The following FBXO41 variants were observed in gnomAD, a reference collection of about 807,000 sequenced individuals.
FBXO41 encodes F-box only protein 41.
Under a neutral mutation model 81.6 loss-of-function variants are expected in FBXO41, and 33 were observed. That is an observed-to-expected ratio of 0.40 (90% CI 0.31 to 0.54). The LOEUF is 0.54. FBXO41 is among the 20% of genes least tolerant of loss of function. The pLI is 0.39. For synonymous variants in FBXO41, 576 were observed against 552.7 expected (o/e 1.04, Z -0.59); for missense variants, 1,107 against 1,236.0 (o/e 0.90, Z 1.56).
At chr2:73,281,218 A>C (rs1297400022) in intron 1 of FBXO41, among the ~76,000 whole-genome samples, 1 of 152,230 alleles carries the variant, frequency 6.6e-6, no homozygotes, top group Admixed American at 6.5e-5. Context: ...CTGTAGTTTA[A>C]CAATCAAAAC....
chr2:73,283,364 G>A (rs528347864), intron 1 of FBXO41, among the ~76,000 whole-genome samples: 6 of 152,308 alleles, frequency 3.9e-5, no homozygotes, highest in Admixed American at 3.3e-4. Context: ...CCTTCTAGCA[G>A]CCCTGGCACT....
At chr2:73,276,613 GGAGAGAGGGAGA>G (rs1688697560) in intron 1 of FBXO41, among the ~76,000 whole-genome samples, 1 of 65,496 alleles carries the variant, frequency 1.5e-5, no homozygotes, top group African/African-American at 1.3e-4. Context: ...AGGGAGAGAG[GGAGAGAGGGAGA>G]GAATGCATTT....
Position 73,263,939 on chromosome 2 carries a change from G to C in FBXO41, c.1921C>G (p.Arg641Gly). The C allele has an allele frequency of 6.2e-7, 1 of 1,610,936 alleles. No individual in the cohort carries two copies. The highest frequency in any genetic ancestry group is 1.1e-5 in the South Asian group (1 of 90,600). ...CCACCCACCCATCGCAGGCCTCACC[G>C]GGTGCTCCGGGCATACTCCTCCTTG... Reference protein sequence around the residue: ...ESKEEYARSTRGCLEAGLESL... With the variant: ...ESKEEYARSTGGCLEAGLESL... Residue 641 changes from arginine (R) to glycine (G), a missense_variant and splice_region_variant, in exon 7 of 13, where the codon CGG becomes GGG. By Grantham distance (125) the Arg-to-Gly change is moderately radical. Coordinates refer to ENST00000520530, the MANE Select transcript of FBXO41 (RefSeq NM_001371389.2).
rs775013721 is a variant in FBXO41 at position 73,265,342 on chromosome 2, A to G, written c.1504T>C (p.Leu502=). 29 of 1,611,694 alleles carry G rather than the reference A, an allele frequency of 1.8e-5. No homozygotes were observed. In the East Asian group the frequency reaches 3.3e-4, roughly 19 times the overall value. The change falls in exon 5 of 13, where the codon TTG becomes CTG. Residue 502 remains leucine, a synonymous_variant. Coordinates refer to ENST00000520530, the MANE Select transcript of FBXO41 (RefSeq NM_001371389.2). ...RTTESEAEGP[L]DAPRPGPAMA... is the part of the protein sequence containing the mutation. ...GCAGGCCCGGGGCGGGGCGCATCCA[A>G]CGGGCCCTCAGCCTCTGACTCAGTG...
chr2:73,266,148 G>GC lies in FBXO41; in HGVS notation c.1132-183dup, dbSNP rs1318225297. Reference sequence around the variant, plus strand: ...ACAGCCCAGAGAGGCAGGCTTACCAGCCCCTCCCCACACCCACACAATACC... The same window carrying GC: ...ACAGCCCAGAGAGGCAGGCTTACCAGCCCCCTCCCCACACCCACACAATACC... On this transcript the variant is annotated intron_variant, in intron 3 of 12. Transcript: ENST00000520530. The surrounding 1 kb of genome is among the most constrained non-coding windows in gnomAD (Gnocchi z 5.3). Among the ~76,000 whole-genome samples, 1 of 152,172 alleles carries GC rather than the reference G, an allele frequency of 6.6e-6. No homozygotes were observed. The highest frequency in any genetic ancestry group is 1.5e-5 in the Non-Finnish European group (1 of 68,012).
chr2:73,269,160 C>CA lies in FBXO41; in HGVS notation c.470dup (p.Phe158ValfsTer38). The CA allele has an allele frequency of 6.6e-7, 1 of 1,524,222 alleles. No homozygotes were observed. Among genetic ancestry groups the CA allele is most frequent in the Non-Finnish European group, 8.8e-7 (1 of 1,141,274 alleles). The allele number at this position is 1,524,222 out of a possible 1,614,324, so 94.4% of individuals were successfully genotyped here. ...AGGACGCCACGGACTTGCGGGCGAA[C>CA]AGCTCCCCCAGCGGGATCTCGATCT... On this transcript the variant is annotated frameshift_variant, in exon 2 of 13. Coordinates refer to ENST00000520530, the MANE Select transcript of FBXO41 (RefSeq NM_001371389.2). LOFTEE classifies it high-confidence loss of function. This position sits in a 1 kb window ranked among gnomAD's most constrained non-coding sequence, Gnocchi z 7.0.
In FBXO41 at chr2:73,266,839, C is replaced by G. The variant is rs1688297673; in HGVS notation, c.906-157G>C. ...CCTGCAGAACAGGCCTAGCACACAG[C>G]CCCGCACGATGACACATACAGAAAT... On this transcript the variant is annotated intron_variant, in intron 2 of 12. Coordinates refer to ENST00000520530, the MANE Select transcript of FBXO41 (RefSeq NM_001371389.2). This position sits in a 1 kb window ranked among gnomAD's most constrained non-coding sequence, Gnocchi z 5.3. 5.5e-5 allele frequency: 66 copies of G among 1,193,300 alleles called. 1 individual carries two copies. The highest frequency in any genetic ancestry group is 7.0e-5 in the Non-Finnish European group (64 of 913,368). 73.9% of individuals were successfully genotyped at this position (1,193,300 alleles called of 1,614,324 possible).
intron 9 of FBXO41, among the ~76,000 whole-genome samples, chr2:73,261,993 C>T (rs754064300): frequency 5.3e-5 from 8 of 152,194 alleles, no homozygotes; most frequent in East Asian, 3.9e-4. Flanking sequence ...GAGGCCGAGG[C>T]GGGCAGATCA....
chr2:73,261,633 T>C (rs1688024185), intron 9 of FBXO41, among the ~76,000 whole-genome samples: 1 of 152,228 alleles, frequency 6.6e-6, no homozygotes. Flanking sequence ...AACAGTCTGA[T>C]CTTAATCCCT....
chr2:73,276,719 C>T (rs1404297514), intron 1 of FBXO41, among the ~76,000 whole-genome samples: 1 of 151,596 alleles, frequency 6.6e-6, no homozygotes, highest in African/African-American at 2.4e-5. Context: ...CAACTCTTGG[C>T]CAAAATTTTT....
chr2:73,274,224 A>G (rs1458366738), intron 1 of FBXO41, among the ~76,000 whole-genome samples: 1 of 152,246 alleles, frequency 6.6e-6, no homozygotes, highest in African/African-American at 2.4e-5. Flanking sequence ...GAAACTGGAA[A>G]GTGGCCTGGC....
chr2:73,258,409 G>T lies in FBXO41; in HGVS notation c.*573C>A. On this transcript the variant is annotated 3_prime_UTR_variant, in exon 13 of 13. Transcript: ENST00000520530. ...ACTGTACTGCTGCCCCCAGCTTTTG[G>T]CTGACCACGTGCCCAGGCCCCTAGG... 1 of 152,464 alleles carries T rather than the reference G, an allele frequency of 6.6e-6. No homozygotes were observed. The highest frequency in any genetic ancestry group is 1.5e-5 in the Non-Finnish European group (1 of 68,188). 9.4% of individuals were successfully genotyped at this position (152,464 alleles called of 1,614,324 possible).
rs577351688 is a variant in FBXO41 at position 73,259,108 on chromosome 2, C to T, written c.2566-64G>A. The T allele has an allele frequency of 5.0e-6, 8 of 1,609,974 alleles. No individual in the cohort carries two copies. In the African/African-American group the frequency reaches 9.3e-5, roughly 19 times the overall value. On this transcript the variant is annotated intron_variant, in intron 12 of 12. Transcript: ENST00000520530. This position sits in a 1 kb window ranked among gnomAD's most constrained non-coding sequence, Gnocchi z 4.2. ...AGGCAGGTGGGGCCCTCCTGCCACA[C>T]TCACCCAGGTCACCAGCCCCAGTCT...
intron 9 of FBXO41, among the ~76,000 whole-genome samples, chr2:73,261,061 C>CT (rs35503109): frequency 0.19 from 27,852 of 145,348 alleles, 4,324 homozygotes; most frequent in African/African-American, 0.44. Context: ...CCCAAGCACT[C>CT]TTTTTTTTTT....
chr2:73,255,483 C>G lies in FBXO41; in HGVS notation c.*3499G>C, dbSNP rs897416788. The G allele has an allele frequency of 1.1e-4, 17 of 152,838 alleles. No individual in the cohort carries two copies. The highest frequency in any genetic ancestry group is 9.8e-4 in the Admixed American group (15 of 15,274). 9.5% of individuals were successfully genotyped at this position (152,838 alleles called of 1,614,324 possible). On this transcript the variant is annotated 3_prime_UTR_variant, in exon 13 of 13. Transcript: ENST00000520530. ...ACTGGGTTGGAGAGAAGGGCCAGGC[C>G]CCCAGGGGAAGGAAGTTACACTCAT...
At position 73,258,793 on chromosome 2, in the gene FBXO41, G is replaced by C; in HGVS notation, c.*189C>G. On this transcript the variant is annotated 3_prime_UTR_variant, in exon 13 of 13. Coordinates refer to ENST00000520530, the MANE Select transcript of FBXO41 (RefSeq NM_001371389.2). Reference sequence around the variant, plus strand: ...TCTGTCCAAGCCCCTGTACTGGGGAGGCAGTGCCCTGGGTCAGGCCTGTTG... The same window carrying C: ...TCTGTCCAAGCCCCTGTACTGGGGACGCAGTGCCCTGGGTCAGGCCTGTTG... The C allele has an allele frequency of 3.2e-6, 2 of 634,192 alleles. No homozygotes were observed. Among genetic ancestry groups the C allele is most frequent in the Non-Finnish European group, 2.6e-6 (1 of 377,770 alleles). 39.3% of individuals were successfully genotyped at this position (634,192 alleles called of 1,614,324 possible).
chr2:73,257,903 C>A lies in FBXO41; in HGVS notation c.*1079G>T. 6.6e-6 allele frequency: 1 copy of A among 152,276 alleles called. No individual in the cohort carries two copies. 9.4% of individuals were successfully genotyped at this position (152,276 alleles called of 1,614,324 possible). On this transcript the variant is annotated 3_prime_UTR_variant, in exon 13 of 13. Coordinates refer to ENST00000520530, the MANE Select transcript of FBXO41 (RefSeq NM_001371389.2). This position sits in a 1 kb window ranked among gnomAD's most constrained non-coding sequence, Gnocchi z 4.6. ...GAGGATGCTCTTCCTCTTCCTTGGC[C>A]CCATGGGTCTGGCTCCCTGCCAAGG... is the stretch of plus-strand genomic sequence containing the variant.
intron 1 of FBXO41, among the ~76,000 whole-genome samples, chr2:73,275,667 A>G (rs1201887369): frequency 1.3e-5 from 2 of 152,218 alleles, no homozygotes. Context: ...ATTATTTTTC[A>G]TCTGCACACT....
At chr2:73,273,475 A>T (rs1484059490) in intron 1 of FBXO41, among the ~76,000 whole-genome samples, 1 of 152,104 alleles carries the variant, frequency 6.6e-6, no homozygotes, top group African/African-American at 2.4e-5. Context: ...CACTTTGAAT[A>T]GATTTGGGTA....
Sources: allele counts gnomAD v4.1 joint callset (sites outside exome capture counted in the v4.1 genomes callset), GRCh38; gene constraint gnomAD v4.1.1; non-coding constraint Gnocchi (gnomAD v3.1); transcripts MANE v1.5; gene names NCBI Gene and HGNC (gene_info 2026-07-23, HGNC 2026-07-21).